The following PDK1 variants were observed in gnomAD, a reference collection of about 807,000 sequenced individuals.
The protein encoded by PDK1 is [Pyruvate dehydrogenase (acetyl-transferring)] kinase isozyme 1, mitochondrial.
Under a neutral mutation model 54.2 loss-of-function variants are expected in PDK1, and 39 were observed. The ratio of observed to expected loss-of-function variants is 0.72; its 90% CI spans 0.56 to 0.94. PDK1 has a LOEUF of 0.94. PDK1 is among the 40% of genes least tolerant of loss of function. The pLI, the probability that PDK1 is intolerant of heterozygous loss-of-function variation, is 0.00. For missense variants in PDK1, 552 were observed against 566.0 expected (o/e 0.98, Z 0.25); for synonymous variants, 221 against 207.1 (o/e 1.07, Z -0.58).
chr2:172,720,307 GT>G, the PDK1 span, among the ~76,000 whole-genome samples: 1 of 152,020 alleles, frequency 6.6e-6, no homozygotes, highest in Admixed American at 6.6e-5. Flanking sequence ...TAGAGGCGAG[GT>G]TTCACCGTGT....
At position 172,558,836 on chromosome 2, in the gene PDK1, T is replaced by C; in HGVS notation, c.325T>C (p.Leu109=). The C allele has an allele frequency of 6.2e-7, 1 of 1,612,334 alleles. No individual in the cohort carries two copies. The highest frequency in any genetic ancestry group is 1.1e-5 in the South Asian group (1 of 90,650). ...DNLLRTPSVQ[L]VQSWYIQSLQ... ...TCTTCTCAGGACACCATCCGTTCAA[T>C]TGGTACAAAGCTGGTAAGATTCTCA... Residue 109 remains leucine, a synonymous_variant, in exon 2 of 11, where the codon TTG becomes CTG. Coordinates refer to ENST00000282077, the MANE Select transcript of PDK1 (RefSeq NM_002610.5).
chr2:172,559,471 G>A (rs1193613506), intron 2 of PDK1, among the ~76,000 whole-genome samples: 1 of 152,174 alleles, frequency 6.6e-6, no homozygotes, highest in Non-Finnish European at 1.5e-5. Flanking sequence ...GGGTATTTAT[G>A]TATATTGCCT....
chr2:172,672,721 G>A, the PDK1 span, among the ~76,000 whole-genome samples: 35 of 151,842 alleles, frequency 2.3e-4, no homozygotes, highest in African/African-American at 8.0e-4. Flanking sequence ...AGTTTACAAA[G>A]GAATATTTGA....
At chr2:172,657,493 T>C in the PDK1 span, among the ~76,000 whole-genome samples, 1 of 142,594 alleles carries the variant, frequency 7.0e-6, no homozygotes. Flanking sequence ...GTGCAGGTTG[T>C]ATTATTTAAT....
chr2:172,705,862 G>C, the PDK1 span, among the ~76,000 whole-genome samples: 12 of 152,152 alleles, frequency 7.9e-5, no homozygotes, highest in African/African-American at 1.2e-4. Flanking sequence ...TTCTAAATCT[G>C]TTTACAGAAA....
rs560553594 is a variant in PDK1, at chr2:172,557,647, A to ATT, written c.197-1053_197-1052dup. ...TGTGTGTGTGTGTGTGTGTGTGTGT[A>ATT]TTTTTTTTTAAAAATAGAAATGGGG... On this transcript the variant is annotated intron_variant, in intron 1 of 10. Transcript: ENST00000282077. Among the ~76,000 whole-genome samples, 5 of 89,970 alleles carry ATT rather than the reference A, an allele frequency of 5.6e-5. No individual in the cohort carries two copies. The South Asian group carries it at 9.9e-4, about 18-fold the overall frequency. The allele number at this position is 89,970 out of a possible 152,430, so 59.0% of individuals were successfully genotyped here. A position where few individuals can be genotyped will look rare whatever the true frequency, so the allele number is the denominator to read the frequency against.
the PDK1 span, among the ~76,000 whole-genome samples, chr2:172,684,421 CAAAAT>C: frequency 2.6e-5 from 4 of 151,602 alleles, no homozygotes; most frequent in Admixed American, 1.3e-4. Context: ...GACCCCATCT[CAAAAT>C]AAAATAAAAT....
At chr2:172,654,512 A>C in the PDK1 span, among the ~76,000 whole-genome samples, 1 of 152,096 alleles carries the variant, frequency 6.6e-6, no homozygotes, top group Admixed American at 6.5e-5. Flanking sequence ...TCGCAAGGAC[A>C]GAAAACCAAA....
At chr2:172,649,641 A>C in the PDK1 span, among the ~76,000 whole-genome samples, 1 of 152,198 alleles carries the variant, frequency 6.6e-6, no homozygotes, top group Non-Finnish European at 1.5e-5. Flanking sequence ...AGAAGTCCTT[A>C]AATGACCTGA....
the PDK1 span, among the ~76,000 whole-genome samples, chr2:172,681,495 T>C: frequency 6.6e-6 from 1 of 152,226 alleles, no homozygotes; most frequent in Admixed American, 6.5e-5. Flanking sequence ...CTACGTGCAT[T>C]GAGTACTTCT....
the PDK1 span, among the ~76,000 whole-genome samples, chr2:172,682,162 G>A: frequency 6.6e-6 from 1 of 152,226 alleles, no homozygotes; most frequent in African/African-American, 2.4e-5. Flanking sequence ...GCCAGTATCT[G>A]GAAGAAGAGA....
chr2:172,667,325 T>C, the PDK1 span, among the ~76,000 whole-genome samples: 1 of 152,178 alleles, frequency 6.6e-6, no homozygotes, highest in African/African-American at 2.4e-5. Context: ...AGGTTTAGAA[T>C]GAACTATTTT....
At chr2:172,694,285 A>G in the PDK1 span, among the ~76,000 whole-genome samples, 41 of 152,378 alleles carry the variant, frequency 2.7e-4, no homozygotes, top group African/African-American at 8.7e-4. Context: ...ACAAGAGACT[A>G]CCCAAGCATT....
the PDK1 span, among the ~76,000 whole-genome samples, chr2:172,633,582 TTAA>T: frequency 1.3e-5 from 2 of 151,510 alleles, no homozygotes; most frequent in Admixed American, 6.6e-5. Context: ...GCTTGTTTTT[TTAA>T]TTAAAGTTTT....
chr2:172,637,674 T>C, the PDK1 span, among the ~76,000 whole-genome samples: 1 of 152,090 alleles, frequency 6.6e-6, no homozygotes, highest in African/African-American at 2.4e-5. Flanking sequence ...TACTTCTACA[T>C]CAATAGGCTG....
At chr2:172,655,908 T>C in the PDK1 span, among the ~76,000 whole-genome samples, 2 of 152,200 alleles carry the variant, frequency 1.3e-5, no homozygotes, top group African/African-American at 2.4e-5. Flanking sequence ...TGTAAAGAAG[T>C]GACTTTGGCT....
At position 172,588,228 on chromosome 2, in the gene PDK1, A is replaced by T. The variant is rs138961631; in HGVS notation, c.1056+1840A>T. 4.6e-5 allele frequency among the ~76,000 whole-genome samples: 7 copies of T among 152,342 alleles called. No individual in the cohort carries two copies. The East Asian group carries it at 1.3e-3, about 29-fold the overall frequency. On this transcript the variant is annotated intron_variant, in intron 9 of 10. Transcript: ENST00000282077. ...CTTTTTACAAGTCTAGTTTTATCCT[A>T]AAAAGTAGAGGGATAGAAGGGAGCT...
chr2:172,562,792 CA>C, intron 3 of PDK1: 1 of 1,611,476 alleles, frequency 6.2e-7, no homozygotes, highest in Non-Finnish European at 8.5e-7. Flanking sequence ...GTATGGCCTG[CA>C]AGATGATGTA....
intron 7 of PDK1, among the ~76,000 whole-genome samples, chr2:172,570,203 C>T (rs953515511): frequency 1.3e-5 from 2 of 152,118 alleles, no homozygotes; most frequent in African/African-American, 2.4e-5. Flanking sequence ...GCACTGTGTA[C>T]CCTATTTCCT....
Sources: gnomAD v4.1 joint callset for allele counts (sites outside exome capture counted in the v4.1 genomes callset) on GRCh38, gnomAD v4.1.1 for gene constraint, MANE v1.5 for transcripts, NCBI Gene and HGNC (gene_info 2026-07-23, HGNC 2026-07-21) for gene names.